Variants in MTOR observed in about 807,000 individuals in gnomAD.
MTOR encodes serine/threonine-protein kinase mTOR.
In MTOR, 70 loss-of-function variants were observed where a neutral mutation model predicts 319.8. The ratio of observed to expected loss-of-function variants is 0.22; its 90% CI spans 0.18 to 0.27. MTOR has a LOEUF of 0.27. MTOR is among the 10% of genes least tolerant of loss of function. The probability of loss-of-function intolerance (pLI) is 1.00; values close to 1 mark genes in which losing one functional copy is unlikely to be tolerated. For synonymous variants in MTOR, 1,183 were observed against 1,211.4 expected, an observed-to-expected ratio of 0.98 and a Z score of 0.49; for missense variants, 1,890 against 3,274.4, an observed-to-expected ratio of 0.58 and a Z score of 10.32.
intron 10 of MTOR, among the ~76,000 whole-genome samples, chr1:11,241,106 G>A (rs1647951069): frequency 6.6e-6 from 1 of 151,772 alleles, no homozygotes; most frequent in South Asian, 2.1e-4. Context: ...CGGATCACAA[G>A]GTCAGGAGAT....
intron 28 of MTOR, among the ~76,000 whole-genome samples, chr1:11,167,817 C>T (rs1644693312): frequency 6.6e-6 from 1 of 152,154 alleles, no homozygotes; most frequent in Admixed American, 6.6e-5. Context: ...CGCCTGTAAT[C>T]CCAGCACTTT....
intron 3 of MTOR, among the ~76,000 whole-genome samples, chr1:11,257,884 C>T (rs1650623294): frequency 1.3e-5 from 2 of 151,986 alleles, no homozygotes; most frequent in Admixed American, 1.3e-4. Context: ...CTGAGGTGGG[C>T]AGATCACTTG....
chr1:11,189,285 G>C, intron 28 of MTOR: 1 of 291,922 alleles, frequency 3.4e-6, no homozygotes, highest in Non-Finnish European at 6.4e-6. Flanking sequence ...GCTAAAGCCT[G>C]GTGCAGCCAT....
Position 11,106,620 on chromosome 1 carries a change from TG to T in MTOR, c.*864del. The T allele has an allele frequency of 9.2e-7, 1 of 1,088,924 alleles. No individual in the cohort carries two copies. The highest frequency in any genetic ancestry group is 1.1e-6 in the Non-Finnish European group (1 of 892,726). The allele number at this position is 1,088,924 out of a possible 1,614,324, so 67.5% of individuals were successfully genotyped here. A position where few individuals can be genotyped will look rare whatever the true frequency, so the allele number is the denominator to read the frequency against. ...CTAGACATGGCTACACTTTATACTT[TG>T]TGCATTTAGTTGAGTATTTGTTCTG... On this transcript the variant is annotated 3_prime_UTR_variant, in exon 58 of 58. Transcript: ENST00000361445.
intron 6 of MTOR, among the ~76,000 whole-genome samples, chr1:11,248,655 T>TA (rs911529181): frequency 4.6e-4 from 69 of 151,560 alleles, no homozygotes; most frequent in African/African-American, 1.6e-3. Flanking sequence ...CTATTAAAAA[T>TA]ACAAAAAATT....
chr1:11,238,173 C>A, intron 12 of MTOR, 125 bp from the exon 13 acceptor site: 1 of 993,108 alleles, frequency 1.0e-6, no homozygotes. Context: ...CATCTAACCT[C>A]TGTCATTCTT....
In MTOR at chr1:11,259,341, C is replaced by G; in HGVS notation, c.69G>C (p.Gln23His). The change falls in exon 2 of 58, where the codon CAG becomes CAC. Residue 23 changes from glutamine (Q) to histidine (H), a missense_variant. Gln to His is a conservative substitution (Grantham distance 24). Transcript: ENST00000361445. ...ATTSSNVSVL[Q>H]QFASGLKSRN... is the part of the protein sequence containing the mutation. ...GGCTCTTTAGGCCACTGGCAAACTG[C>G]TGCAGGACGCTCACATTGCTAGATG... 1 of 1,610,684 alleles carries G rather than the reference C, an allele frequency of 6.2e-7. No homozygotes were observed. Among genetic ancestry groups the G allele is most frequent in the Non-Finnish European group, 8.5e-7 (1 of 1,178,924 alleles).
At position 11,106,868 on chromosome 1, in the gene MTOR, G is replaced by C; in HGVS notation, c.*617C>G. 1 of 1,341,504 alleles carries C rather than the reference G, an allele frequency of 7.5e-7. No homozygotes were observed. Among genetic ancestry groups the C allele is most frequent in the Admixed American group, 2.3e-5 (1 of 44,080 alleles). 83.1% of individuals were successfully genotyped at this position (1,341,504 alleles called of 1,614,324 possible). A position where few individuals can be genotyped will look rare whatever the true frequency, so the allele number is the denominator to read the frequency against. On this transcript the variant is annotated 3_prime_UTR_variant, in exon 58 of 58. Coordinates refer to ENST00000361445, the MANE Select transcript of MTOR (RefSeq NM_004958.4). ...GCGATCTGAATAAACCTCCCTACTA[G>C]CGGTCAGGTCTTGAATTGAAGCGTG...
At chr1:11,140,113 C>G (rs934536447) in intron 34 of MTOR, among the ~76,000 whole-genome samples, 2 of 152,130 alleles carry the variant, frequency 1.3e-5, no homozygotes, top group East Asian at 3.8e-4. Flanking sequence ...CACGAGCCAC[C>G]ATGCCTGGCC....
rs1369215903 is a variant in MTOR, at chr1:11,109,037, G to C, written c.7528+253C>G. On this transcript the variant is annotated intron_variant, in intron 56 of 57. Transcript: ENST00000361445. This position sits in a 1 kb window ranked among gnomAD's most constrained non-coding sequence, Gnocchi z 4.0. Reference sequence around the variant, plus strand: ...AAAAAACACTTCTCTGAATTTGGCTGATTTTGGACCCAAAAGAAATTTATT... The same window carrying C: ...AAAAAACACTTCTCTGAATTTGGCTCATTTTGGACCCAAAAGAAATTTATT... Among the ~76,000 whole-genome samples, 1 of 152,140 alleles carries C rather than the reference G, an allele frequency of 6.6e-6. No homozygotes were observed. Among genetic ancestry groups the C allele is most frequent in the African/African-American group, 2.4e-5 (1 of 41,432 alleles).
chr1:11,164,971 T>C (rs1008735682), intron 29 of MTOR, among the ~76,000 whole-genome samples: 1 of 152,058 alleles, frequency 6.6e-6, no homozygotes, highest in African/African-American at 2.4e-5. Context: ...ACGTAATCCA[T>C]CATATAAACA....
intron 19 of MTOR, among the ~76,000 whole-genome samples, chr1:11,218,703 G>A (rs1646558784): frequency 6.6e-6 from 1 of 152,094 alleles, no homozygotes; most frequent in Non-Finnish European, 1.5e-5. Flanking sequence ...ACATGGACAG[G>A]CAAGCACCTC....
At chr1:11,185,972 C>T (rs1329827768) in intron 28 of MTOR, among the ~76,000 whole-genome samples, 1 of 149,164 alleles carries the variant, frequency 6.7e-6, no homozygotes, top group African/African-American at 2.5e-5. Flanking sequence ...GTCCCAGCTA[C>T]TTGGGAGGCT....
chr1:11,221,721 A>G (rs1290434555), intron 19 of MTOR, among the ~76,000 whole-genome samples: 1 of 148,302 alleles, frequency 6.7e-6, no homozygotes, highest in Non-Finnish European at 1.5e-5. Context: ...TATATAGTGT[A>G]TATATACATA....
At chr1:11,180,294 A>T (rs148356947) in intron 28 of MTOR, among the ~76,000 whole-genome samples, 1 of 152,206 alleles carries the variant, frequency 6.6e-6, no homozygotes, top group African/African-American at 2.4e-5. Context: ...AAAGGACCGC[A>T]TATCTTTTCT....
intron 49 of MTOR, among the ~76,000 whole-genome samples, chr1:11,117,590 G>A (rs899097215): frequency 6.6e-6 from 1 of 152,118 alleles, no homozygotes; most frequent in Non-Finnish European, 1.5e-5. Context: ...TAGACTTAAA[G>A]ATCTGAGTAA....
At position 11,115,699 on chromosome 1, in the gene MTOR, G is replaced by T. The variant is rs1421974242; in HGVS notation, c.7017-231C>A. ...GCTACGACAGCAGAGCTGACTAGTT[G>T]TGACAGAGACCAAAGGGCCCACAAA... On this transcript the variant is annotated intron_variant, in intron 50 of 57. Transcript: ENST00000361445. The surrounding 1 kb of genome is among the most constrained non-coding windows in gnomAD (Gnocchi z 4.5). 2 of 496,996 alleles carry T rather than the reference G, an allele frequency of 4.0e-6. No homozygotes were observed. Among genetic ancestry groups the T allele is most frequent in the Non-Finnish European group, 7.3e-6 (2 of 273,280 alleles). The allele number at this position is 496,996 out of a possible 1,614,324, so 30.8% of individuals were successfully genotyped here.
intron 28 of MTOR, chr1:11,194,998 T>A (rs1571134812): frequency 6.2e-7 from 1 of 1,613,456 alleles, no homozygotes; most frequent in South Asian, 1.1e-5. Flanking sequence ...GAGATGAAAA[T>A]CCGCCCAGAA....
At chr1:11,258,325 G>A (rs917125849) in intron 3 of MTOR, among the ~76,000 whole-genome samples, 160 bp downstream of exon 3, 2 of 152,168 alleles carry the variant, frequency 1.3e-5, no homozygotes, top group African/African-American at 4.8e-5. Context: ...CTAAAAATAC[G>A]TTTTTCCTGT....
Sources: gnomAD v4.1 joint callset for allele counts (sites outside exome capture counted in the v4.1 genomes callset) on GRCh38, gnomAD v4.1.1 for gene constraint, Gnocchi (gnomAD v3.1) non-coding constraint, MANE v1.5 for transcripts, NCBI Gene and HGNC (gene_info 2026-07-23, HGNC 2026-07-21) for gene names.